Variants in KANK3 observed in about 807,000 individuals in gnomAD.
The protein encoded by KANK3 is KN motif and ankyrin repeat domain-containing protein 3.
A neutral mutation model predicts 65.4 loss-of-function variants in KANK3; 61 were observed. The observed-to-expected ratio is 0.93, with a 90% CI of 0.76 to 1.15. The LOEUF is 1.15. Among genes scored for constraint, KANK3 ranks in the 50% most tolerant of loss-of-function variants. The pLI is 0.00. For synonymous variants in KANK3, 586 were observed against 543.3 expected, an observed-to-expected ratio of 1.08 and a Z score of -1.09; for missense variants, 1,187 against 1,178.8, an observed-to-expected ratio of 1.01 and a Z score of -0.10.
rs1480708233 is a variant in KANK3, at chr19:8,333,674, C to T, written c.1719+50G>A. ...CTCCCCTAAGTGGGCGTCAGAGGTC[C>T]TTGGAGGCTCCCACGCCACTCCCTG... On this transcript the variant is annotated intron_variant, in intron 6 of 10. Coordinates refer to ENST00000330915, the MANE Select transcript of KANK3 (RefSeq NM_198471.3). This position sits in a 1 kb window ranked among gnomAD's most constrained non-coding sequence, Gnocchi z 5.0. 7.2e-7 allele frequency: 1 copy of T among 1,395,424 alleles called. No homozygotes were observed. Among genetic ancestry groups the T allele is most frequent in the Non-Finnish European group, 9.4e-7 (1 of 1,065,778 alleles). The allele number at this position is 1,395,424 out of a possible 1,614,324, so 86.4% of individuals were successfully genotyped here. A position where few individuals can be genotyped will look rare whatever the true frequency, so the allele number is the denominator to read the frequency against.
intron 1 of KANK3, among the ~76,000 whole-genome samples, chr19:8,340,531 C>G (rs1379883500): frequency 6.6e-6 from 1 of 152,040 alleles, no homozygotes; most frequent in Admixed American, 6.6e-5. Flanking sequence ...CAGGCATCTG[C>G]CAAACCCACT....
At chr19:8,343,204 C>T (rs1970742610) in intron 1 of KANK3, 21 bp downstream of exon 1, 1 of 152,632 alleles carries the variant, frequency 6.6e-6, no homozygotes, top group African/African-American at 2.4e-5. Flanking sequence ...CCATCCGTGT[C>T]CCCGCAAGCT....
Position 8,335,723 on chromosome 19 carries a change from G to A in KANK3, c.104C>T (p.Ser35Leu). The change falls in exon 3 of 11, where the codon TCG (serine) becomes TTG (leucine). Residue 35 changes from serine to leucine, a missense_variant. Ser to Leu is a moderately radical substitution (Grantham distance 145). Around this residue, in one of 3 missense-constraint regions of KANK3, gnomAD observed 104 missense variants for 122.1 expected, o/e 0.85. Transcript: ENST00000330915. ...GGARSPSSPY[S>L]VETPYGFHLD... The stretch of plus-strand genomic sequence containing the variant: ...GTGGAAGCCGTAGGGCGTCTCCACC[G>A]AGTAGGGCGAGCTCGGGCTGCGTGC... 1 of 1,248,122 alleles carries A rather than the reference G, an allele frequency of 8.0e-7. No homozygotes were observed. Among genetic ancestry groups the A allele is most frequent in the Non-Finnish European group, 1.0e-6 (1 of 991,644 alleles). The allele number at this position is 1,248,122 out of a possible 1,614,324, so 77.3% of individuals were successfully genotyped here. A position where few individuals can be genotyped will look rare whatever the true frequency, so the allele number is the denominator to read the frequency against.
At chr19:8,325,145 G>A (rs754228354) in intron 7 of KANK3, 49 bp from the exon 8 acceptor site, 8 of 1,553,568 alleles carry the variant, frequency 5.1e-6, no homozygotes, top group Middle Eastern at 2.3e-4. Flanking sequence ...ACCGCGGCCC[G>A]ACTTGATCCA....
At chr19:8,340,275 C>CATATATATATATATAT (rs1555684729) in intron 1 of KANK3, among the ~76,000 whole-genome samples, 103 of 66,012 alleles carry the variant, frequency 1.6e-3, no homozygotes, top group Non-Finnish European at 2.1e-3. Flanking sequence ...AAAAAAAAAC[C>CATATATATATATATAT]ATATATATAT....
rs573315741 is a variant in KANK3 at position 8,325,296 on chromosome 19, C to CTTTTT, written c.1937-205_1937-201dup. ...TCAGTGAAGGACCTTCCTGTTTCAT[C>CTTTTT]TTTTTTTTTTTTTTTTTTTTTTTTT... On this transcript the variant is annotated intron_variant, in intron 7 of 10. Coordinates refer to ENST00000330915, the MANE Select transcript of KANK3 (RefSeq NM_198471.3). 4.2e-4 allele frequency among the ~76,000 whole-genome samples: 33 copies of CTTTTT among 78,636 alleles called. 2 individuals are homozygous for CTTTTT. The highest frequency in any genetic ancestry group is 1.4e-3 in the African/African-American group (27 of 18,660). 51.6% of individuals were successfully genotyped at this position (78,636 alleles called of 152,430 possible). A position where few individuals can be genotyped will look rare whatever the true frequency, so the allele number is the denominator to read the frequency against.
At chr19:8,328,208 T>C (rs935489254) in intron 7 of KANK3, among the ~76,000 whole-genome samples, 2 of 151,852 alleles carry the variant, frequency 1.3e-5, no homozygotes, top group Non-Finnish European at 2.9e-5. Context: ...GGCCCAGGAG[T>C]TGGAGATCAG....
In KANK3 at chr19:8,333,722, A is replaced by C. The variant is rs746378258; in HGVS notation, c.1719+2T>G. On this transcript the variant is annotated splice_donor_variant, in intron 6 of 10. Coordinates refer to ENST00000330915, the MANE Select transcript of KANK3 (RefSeq NM_198471.3). LOFTEE classifies it high-confidence loss of function. This position sits in a 1 kb window ranked among gnomAD's most constrained non-coding sequence, Gnocchi z 5.0. ...CTGGTGCTGCGCTCCCGGGGCACTC[A>C]CGCCGTCGCTGGCTACTCCGCGGGG... is the stretch of plus-strand genomic sequence containing the variant. 69 of 1,452,384 alleles carry C rather than the reference A, an allele frequency of 4.8e-5. No individual in the cohort carries two copies. Among genetic ancestry groups the C allele is most frequent in the Non-Finnish European group, 6.2e-5 (68 of 1,100,414 alleles). 90.0% of individuals were successfully genotyped at this position (1,452,384 alleles called of 1,614,324 possible).
At chr19:8,332,744 G>C in intron 7 of KANK3, 1 of 170,220 alleles carries the variant, frequency 5.9e-6, no homozygotes, top group Non-Finnish European at 1.2e-5. Context: ...TTGAACCTGG[G>C]AGGCGGAGGT....
At position 8,322,735 on chromosome 19, in the gene KANK3, T is replaced by C; in HGVS notation, c.*104A>G. 4 of 858,306 alleles carry C rather than the reference T, an allele frequency of 4.7e-6. No homozygotes were observed. Among genetic ancestry groups the C allele is most frequent in the Non-Finnish European group, 7.3e-6 (4 of 545,050 alleles). 53.2% of individuals were successfully genotyped at this position (858,306 alleles called of 1,614,324 possible). A position where few individuals can be genotyped will look rare whatever the true frequency, so the allele number is the denominator to read the frequency against. ...AATTGCCTTTCTCTTCGGCCAGTGT[T>C]AGCCTCTGAGCAGGGGACCCTGGAC... On this transcript the variant is annotated 3_prime_UTR_variant, in exon 11 of 11. Transcript: ENST00000330915.
chr19:8,331,308 C>A (rs1263220357), intron 7 of KANK3, among the ~76,000 whole-genome samples: 1 of 152,152 alleles, frequency 6.6e-6, no homozygotes, highest in Non-Finnish European at 1.5e-5. Context: ...CTTGCCGCAG[C>A]CCCAGCCCCC....
At chr19:8,338,561 A>C (rs1223340450) in intron 1 of KANK3, among the ~76,000 whole-genome samples, 1 of 152,058 alleles carries the variant, frequency 6.6e-6, no homozygotes, top group African/African-American at 2.4e-5. Context: ...CCAGAGTTGG[A>C]AGCCCTTCAC....
intron 7 of KANK3, among the ~76,000 whole-genome samples, chr19:8,331,221 G>T (rs532228320): frequency 0.087 from 5,432 of 62,282 alleles, 138 homozygotes; most frequent in Middle Eastern, 0.14. Context: ...AAAAGGGGTG[G>T]GGGGGGGATT....
rs1401510936 is a variant in KANK3, at chr19:8,325,004, C to T, written c.2029G>A (p.Ala677Thr). 10 of 1,608,926 alleles carry T rather than the reference C, an allele frequency of 6.2e-6. No individual in the cohort carries two copies. Among genetic ancestry groups the T allele is most frequent in the East Asian group, 4.5e-5 (2 of 44,868 alleles). ...TSVRQEEEDM[A>T]VVQRLFCMGD... ...ATGCAGAAGAGTCTCTGGACCACAG[C>T]CATGTCCTCCTCTTCCTGCCTCACA... The change falls in exon 8 of 11, where the codon GCT (alanine) becomes ACT (threonine). Residue 677 changes from alanine (A) to threonine (T), a missense_variant. Ala to Thr is a moderately conservative substitution (Grantham distance 58). Around this residue, in one of 3 missense-constraint regions of KANK3, gnomAD observed 1,078 missense variants for 1,038.2 expected, o/e 1.04. Transcript: ENST00000330915.
chr19:8,334,271 C>A, intron 4 of KANK3, 49 bp downstream of exon 4: 1 of 1,608,982 alleles, frequency 6.2e-7, no homozygotes, highest in East Asian at 2.2e-5. Context: ...GGTTCCAACC[C>A]CAGTCTATGT....
intron 1 of KANK3, 162 bp from the exon 2 acceptor site, chr19:8,338,018 CTTTTTTTTT>C (rs71175839): frequency 2.8e-6 from 1 of 357,670 alleles, no homozygotes. Flanking sequence ...AACCTTGAAA[CTTTTTTTTT>C]TTTTTTTTTT....
rs948764458 is a variant in KANK3 at position 8,335,630 on chromosome 19, C to A, written c.197G>T (p.Gly66Val). 1 of 1,243,564 alleles carries A rather than the reference C, an allele frequency of 8.0e-7. No homozygotes were observed. Among genetic ancestry groups the A allele is most frequent in the Non-Finnish European group, 1.0e-6 (1 of 991,402 alleles). The allele number at this position is 1,243,564 out of a possible 1,614,324, so 77.0% of individuals were successfully genotyped here. ...ERGPAARRAP[G>V]PPTSRRPRAP... Reference sequence around the variant, plus strand: ...GCGGGGACGGCGCGAGGTCGGGGGTCCCGGGGCGCGGCGGGCAGCGGGGCC... The same window carrying A: ...GCGGGGACGGCGCGAGGTCGGGGGTACCGGGGCGCGGCGGGCAGCGGGGCC... Residue 66 changes from glycine (G) to valine (V), a missense_variant, in exon 3 of 11, where the codon GGA becomes GTA. By Grantham distance (109) the Gly-to-Val change is moderately radical. This residue lies in a region of KANK3 where 104 missense variants were observed against 122.1 expected (regional missense o/e 0.85). Coordinates refer to ENST00000330915, the MANE Select transcript of KANK3 (RefSeq NM_198471.3).
At chr19:8,328,395 AC>A (rs1450771426) in intron 7 of KANK3, among the ~76,000 whole-genome samples, 1 of 19,848 alleles carries the variant, frequency 5.0e-5, no homozygotes, top group African/African-American at 4.1e-4. Context: ...CACCACACAC[AC>A]ACACACACAC....
At chr19:8,342,577 G>A (rs1032983994) in intron 1 of KANK3, among the ~76,000 whole-genome samples, 6 of 152,122 alleles carry the variant, frequency 3.9e-5, no homozygotes, top group Admixed American at 3.3e-4. Flanking sequence ...TGGGGGCCAC[G>A]GCAGGCCAGT....
Sources: gnomAD v4.1 joint callset for allele counts (sites outside exome capture counted in the v4.1 genomes callset) on GRCh38, gnomAD v4.1.1 for gene constraint, gnomAD v4.1.1 regional missense constraint, Gnocchi (gnomAD v3.1) non-coding constraint, MANE v1.5 for transcripts, NCBI Gene and HGNC (gene_info 2026-07-23, HGNC 2026-07-21) for gene names.